Variants in EXT1 observed in about 807,000 individuals in gnomAD.
EXT1 encodes the protein exostosin glycosyltransferase 1, also known as exostosin-1.
In EXT1, 20 loss-of-function variants were observed where a neutral mutation model predicts 82.5. The observed-to-expected ratio is 0.24, with a 90% CI of 0.17 to 0.35. The LOEUF (loss-of-function observed/expected upper bound fraction) is 0.35. Ranked by LOEUF, EXT1 falls within the 10% of genes least tolerant of loss-of-function variation. The pLI, the probability that EXT1 is intolerant of heterozygous loss-of-function variation, is 1.00. For missense variants in EXT1, 757 were observed against 936.5 expected (o/e 0.81, Z 2.50); for synonymous variants, 348 against 350.8 (o/e 0.99, Z 0.09).
At position 118,047,862 on chromosome 8, in the gene EXT1, C is replaced by A. The variant is rs528465310; in HGVS notation, c.962+62223G>T. Among the ~76,000 whole-genome samples, 456 of 152,144 alleles carry A rather than the reference C, an allele frequency of 3.0e-3. 1 individual carries two copies. Among genetic ancestry groups the A allele is most frequent in the Non-Finnish European group, 5.0e-3 (340 of 67,994 alleles). On this transcript the variant is annotated intron_variant, in intron 1 of 10. Coordinates refer to ENST00000378204, the MANE Select transcript of EXT1 (RefSeq NM_000127.3). ...AGGCAGAGTCTAGTCCATGGAGGCA[C>A]CACAATCAATCAATCAATCAATTAA...
At chr8:117,912,545 T>C (rs1182537386) in intron 1 of EXT1, among the ~76,000 whole-genome samples, 3 of 152,204 alleles carry the variant, frequency 2.0e-5, no homozygotes, top group East Asian at 1.9e-4. Flanking sequence ...AAGCTGAGTC[T>C]GGGATGCAGG....
At chr8:118,097,630 AAT>A (rs1817645153) in intron 1 of EXT1, among the ~76,000 whole-genome samples, 1 of 152,060 alleles carries the variant, frequency 6.6e-6, no homozygotes. Context: ...AGCACCTTCT[AAT>A]ATATGACAAA....
intron 1 of EXT1, among the ~76,000 whole-genome samples, chr8:117,951,222 TA>T (rs1563611012): frequency 6.6e-6 from 1 of 152,160 alleles, no homozygotes; most frequent in East Asian, 1.9e-4. Context: ...CAGGAGTCAA[TA>T]GGAATGGAAG....
At chr8:118,075,618 G>A (rs2514718) in intron 1 of EXT1, among the ~76,000 whole-genome samples, 63,033 of 152,052 alleles carry the variant, frequency 0.41, 16,960 homozygotes, top group African/African-American at 0.76. Flanking sequence ...GCGTTGCTAT[G>A]AAGAAATACT....
At chr8:117,851,650 C>CACACACACACACACACACACA (rs57555594) in intron 1 of EXT1, among the ~76,000 whole-genome samples, 3 of 146,310 alleles carry the variant, frequency 2.1e-5, no homozygotes, top group East Asian at 2.0e-4. Context: ...CACACACACA[C>CACACACACACACACACACACA]CATTATTTAA....
chr8:117,969,081 G>A (rs1814887174), intron 1 of EXT1, among the ~76,000 whole-genome samples: 1 of 152,104 alleles, frequency 6.6e-6, no homozygotes, highest in Non-Finnish European at 1.5e-5. Flanking sequence ...GAAATAATTA[G>A]GGAAAAAAAC....
chr8:117,824,217 C>G (rs1326830842), intron 4 of EXT1, among the ~76,000 whole-genome samples: 1 of 152,036 alleles, frequency 6.6e-6, no homozygotes, highest in Non-Finnish European at 1.5e-5. Context: ...ATAAATCGAA[C>G]CTACAGACAA....
chr8:117,916,213 A>C (rs1328063565), intron 1 of EXT1, among the ~76,000 whole-genome samples: 3 of 152,242 alleles, frequency 2.0e-5, no homozygotes, highest in Non-Finnish European at 2.9e-5. Flanking sequence ...TTGTAATAGA[A>C]AAGTTTCATT....
At chr8:117,966,221 A>G (rs1814807280) in intron 1 of EXT1, among the ~76,000 whole-genome samples, 1 of 152,206 alleles carries the variant, frequency 6.6e-6, no homozygotes, top group Non-Finnish European at 1.5e-5. Context: ...CCAAGGCAGC[A>G]TCCCATTCCA....
intron 1 of EXT1, among the ~76,000 whole-genome samples, chr8:117,951,966 T>C (rs2129696918): frequency 6.6e-6 from 1 of 152,200 alleles, no homozygotes; most frequent in African/African-American, 2.4e-5. Context: ...AATTGAAGAG[T>C]TGTGACAGAG....
intron 10 of EXT1, among the ~76,000 whole-genome samples, chr8:117,800,160 C>A (rs965495599): frequency 5.9e-5 from 9 of 152,178 alleles, no homozygotes; most frequent in Non-Finnish European, 8.8e-5. Context: ...TTGACTAATT[C>A]TCTGGTCAGT....
chr8:118,000,620 T>C (rs1250514888), intron 1 of EXT1, among the ~76,000 whole-genome samples: 1 of 152,220 alleles, frequency 6.6e-6, no homozygotes, highest in African/African-American at 2.4e-5. Flanking sequence ...ACCTCGCAGC[T>C]GCCCTTTAGC....
chr8:118,094,006 G>A (rs921057141), intron 1 of EXT1, among the ~76,000 whole-genome samples: 2 of 152,142 alleles, frequency 1.3e-5, no homozygotes, highest in African/African-American at 2.4e-5. Context: ...CCTGCACGGT[G>A]GAATCACTTG....
chr8:117,974,091 C>G (rs779450339), intron 1 of EXT1, among the ~76,000 whole-genome samples: 10 of 152,118 alleles, frequency 6.6e-5, no homozygotes, highest in African/African-American at 9.7e-5. Context: ...CCCTCCCACC[C>G]AGGTGGGTCA....
At chr8:118,062,012 G>C (rs1816888806) in intron 1 of EXT1, among the ~76,000 whole-genome samples, 1 of 151,926 alleles carries the variant, frequency 6.6e-6, no homozygotes, top group Admixed American at 6.6e-5. Flanking sequence ...AATTCCACAG[G>C]AAACTTAGAG....
chr8:118,064,384 T>A (rs1816939159), intron 1 of EXT1, among the ~76,000 whole-genome samples: 1 of 152,170 alleles, frequency 6.6e-6, no homozygotes, highest in Non-Finnish European at 1.5e-5. Flanking sequence ...TGTGTCCATG[T>A]GTTCTCACTA....
chr8:117,796,306 T>C lies in EXT1; in HGVS notation c.*3406A>G, dbSNP rs975274744. ...TTCAGATTCCAACCTAGTAAGGCTG[T>C]CTTCCCCCTGATCCTGCCCTTTAAA... On this transcript the variant is annotated 3_prime_UTR_variant, in exon 11 of 11. Transcript: ENST00000378204. 1 of 151,802 alleles carries C rather than the reference T, an allele frequency of 6.6e-6. No individual in the cohort carries two copies. The highest frequency in any genetic ancestry group is 1.5e-5 in the Non-Finnish European group (1 of 67,974). The allele number at this position is 151,802 out of a possible 1,614,324, so 9.4% of individuals were successfully genotyped here.
In EXT1 at chr8:117,910,747, C is replaced by T. The variant is rs17430645; in HGVS notation, c.963-73546G>A. On this transcript the variant is annotated intron_variant, in intron 1 of 10. Coordinates refer to ENST00000378204, the MANE Select transcript of EXT1 (RefSeq NM_000127.3). ...TTGACGGAAGCTTAGAAAAGCCTAG[C>T]AACAGGACCAAATGCTTTGACTCTA... 3.2e-3 allele frequency among the ~76,000 whole-genome samples: 482 copies of T among 152,322 alleles called. 1 individual carries two copies. Among genetic ancestry groups the T allele is most frequent in the Middle Eastern group, 6.8e-3 (2 of 294 alleles).
intron 1 of EXT1, among the ~76,000 whole-genome samples, chr8:118,066,562 T>A (rs528025700): frequency 8.7e-4 from 133 of 152,222 alleles, no homozygotes; most frequent in African/African-American, 2.9e-3. Flanking sequence ...GGTTTCACCA[T>A]GTTGACCAGG....
Sources: gnomAD v4.1 joint callset for allele counts (sites outside exome capture counted in the v4.1 genomes callset) on GRCh38, gnomAD v4.1.1 for gene constraint, MANE v1.5 for transcripts, NCBI Gene and HGNC (gene_info 2026-07-23, HGNC 2026-07-21) for gene names.